Variants in DYM observed in about 807,000 individuals in gnomAD.
DYM encodes dymeclin.
A neutral mutation model predicts 93.1 loss-of-function variants in DYM; 78 were observed. The ratio of observed to expected loss-of-function variants is 0.84; its 90% CI spans 0.70 to 1.01. The LOEUF (loss-of-function observed/expected upper bound fraction) is 1.01. Among genes scored for constraint, DYM ranks in the 50% least tolerant of loss-of-function variants. DYM has a pLI of 0.00. For synonymous variants in DYM, 321 were observed against 319.7 expected (o/e 1.00, Z -0.04); for missense variants, 789 against 845.0 (o/e 0.93, Z 0.82).
intron 13 of DYM, among the ~76,000 whole-genome samples, chr18:49,236,812 C>A (rs7240563): frequency 0.61 from 92,245 of 152,038 alleles, 30,389 homozygotes; most frequent in Non-Finnish European, 0.74. Flanking sequence ...AACATGCACG[C>A]GAGAGTCAGA....
intron 5 of DYM, among the ~76,000 whole-genome samples, chr18:49,371,736 C>T (rs112021196): frequency 0.011 from 1,659 of 152,320 alleles, 29 homozygotes; most frequent in African/African-American, 0.038. Flanking sequence ...CTAGGGCTGG[C>T]TTTGTCCCCT....
chr18:49,376,197 C>T (rs77238499), intron 5 of DYM, among the ~76,000 whole-genome samples: 406 of 152,258 alleles, frequency 2.7e-3, no homozygotes, highest in Non-Finnish European at 4.7e-3. Flanking sequence ...AACCCTAATA[C>T]AATAACTTTC....
intron 15 of DYM, among the ~76,000 whole-genome samples, chr18:49,158,045 C>G (rs2086647354): frequency 6.6e-6 from 1 of 152,186 alleles, no homozygotes; most frequent in Admixed American, 6.5e-5. Context: ...TTTTCACTTT[C>G]ATGCCCTCTT....
intron 11 of DYM, among the ~76,000 whole-genome samples, chr18:49,263,968 C>A (rs575975999): frequency 6.6e-6 from 1 of 152,224 alleles, no homozygotes; most frequent in East Asian, 1.9e-4. Context: ...ATAGAGACCA[C>A]CACTGTATCC....
chr18:49,291,182 A>C (rs1051361036), intron 8 of DYM, among the ~76,000 whole-genome samples: 4 of 152,218 alleles, frequency 2.6e-5, no homozygotes, highest in African/African-American at 9.6e-5. Context: ...TATTAAATGA[A>C]TTAAGTGCTT....
chr18:49,085,180 G>A (rs1017355430), intron 17 of DYM, among the ~76,000 whole-genome samples: 9 of 152,234 alleles, frequency 5.9e-5, no homozygotes, highest in South Asian at 4.2e-4. Flanking sequence ...ATAAACTTCC[G>A]AAATTGGGTA....
chr18:49,336,333 A>T (rs1430545467), intron 6 of DYM, among the ~76,000 whole-genome samples: 1 of 152,206 alleles, frequency 6.6e-6, no homozygotes, highest in South Asian at 2.1e-4. Flanking sequence ...TTCAAAATTA[A>T]TTGGGCCAAA....
At chr18:49,150,176 G>A (rs750149670) in intron 15 of DYM, among the ~76,000 whole-genome samples, 1 of 152,142 alleles carries the variant, frequency 6.6e-6, no homozygotes, top group Non-Finnish European at 1.5e-5. Flanking sequence ...TACTACTAAT[G>A]GAACAAAAGT....
At chr18:49,333,592 G>T (rs1046432683) in intron 7 of DYM, 136 bp downstream of exon 7, 1 of 956,342 alleles carries the variant, frequency 1.0e-6, no homozygotes, top group East Asian at 2.5e-5. Flanking sequence ...CCTATGCACT[G>T]GGTTTAAAGA....
intron 11 of DYM, 71 bp downstream of exon 11, chr18:49,272,107 A>C (rs1244321448): frequency 7.3e-7 from 1 of 1,375,678 alleles, no homozygotes; most frequent in East Asian, 2.3e-5. Flanking sequence ...AAATGTAAAG[A>C]CTAGTAAATC....
At chr18:49,441,485 G>C (rs1209830765) in intron 1 of DYM, among the ~76,000 whole-genome samples, 1 of 146,714 alleles carries the variant, frequency 6.8e-6, no homozygotes, top group Non-Finnish European at 1.5e-5. Context: ...CCAAAGGACA[G>C]AGTAAATGCC....
At chr18:49,160,162 TCCCTTA>T (rs1455276452) in intron 15 of DYM, among the ~76,000 whole-genome samples, 7 of 152,092 alleles carry the variant, frequency 4.6e-5, no homozygotes, top group African/African-American at 1.7e-4. Flanking sequence ...TTTCTTAAAC[TCCCTTA>T]CTGCCCCTGT....
intron 1 of DYM, among the ~76,000 whole-genome samples, chr18:49,443,789 G>A (rs1339601476): frequency 1.3e-5 from 2 of 152,166 alleles, no homozygotes; most frequent in Non-Finnish European, 2.9e-5. Flanking sequence ...TTTCCAAATG[G>A]CTCATTTGTT....
At chr18:49,397,192 A>G (rs1014616959) in intron 2 of DYM, among the ~76,000 whole-genome samples, 1 of 152,232 alleles carries the variant, frequency 6.6e-6, no homozygotes, top group Non-Finnish European at 1.5e-5. Context: ...TTATGTGTCA[A>G]TTAACAAAAT....
intron 14 of DYM, among the ~76,000 whole-genome samples, chr18:49,204,795 A>G (rs1370362258): frequency 1.3e-5 from 2 of 152,198 alleles, no homozygotes; most frequent in Non-Finnish European, 2.9e-5. Flanking sequence ...CGCTTACTCA[A>G]AATTCTAAAT....
intron 8 of DYM, among the ~76,000 whole-genome samples, chr18:49,305,544 C>T (rs1021819089): frequency 2.0e-5 from 3 of 152,170 alleles, no homozygotes; most frequent in African/African-American, 7.2e-5. Context: ...ACACATTCAC[C>T]TGTATCAACA....
chr18:49,299,953 G>C (rs1237122509), intron 8 of DYM, among the ~76,000 whole-genome samples: 1 of 150,250 alleles, frequency 6.7e-6, no homozygotes, highest in Non-Finnish European at 1.5e-5. Context: ...TGAAGCAGGA[G>C]AATGGCATAA....
intron 17 of DYM, among the ~76,000 whole-genome samples, chr18:49,091,857 C>T (rs2079078556): frequency 1.3e-5 from 2 of 152,102 alleles, no homozygotes; most frequent in Non-Finnish European, 2.9e-5. Context: ...TCGTGATCTG[C>T]CCGCCTCCAG....
intron 13 of DYM, among the ~76,000 whole-genome samples, chr18:49,230,266 G>A (rs762101702): frequency 3.3e-5 from 5 of 152,092 alleles, no homozygotes; most frequent in Non-Finnish European, 7.4e-5. Flanking sequence ...TATGCTGGTC[G>A]AATATACCAA....
Sources: gnomAD v4.1 joint callset for allele counts (sites outside exome capture counted in the v4.1 genomes callset) on GRCh38, gnomAD v4.1.1 for gene constraint, MANE v1.5 for transcripts, NCBI Gene and HGNC (gene_info 2026-07-23, HGNC 2026-07-21) for gene names.